RABGAP1L: variants seen among roughly 807,000 people sequenced by gnomAD.
The protein encoded by RABGAP1L is RAB GTPase activating protein 1 like, also known as rab GTPase-activating protein 1-like.
Under a neutral mutation model 137.7 loss-of-function variants are expected in RABGAP1L, and 63 were observed. That is an observed-to-expected ratio of 0.46 (90% CI 0.37 to 0.56). RABGAP1L has a LOEUF of 0.56. Among genes scored for constraint, RABGAP1L ranks in the 20% least tolerant of loss-of-function variants. The pLI, the probability that RABGAP1L is intolerant of heterozygous loss-of-function variation, is 0.00. For synonymous variants in RABGAP1L, 431 were observed against 433.7 expected (o/e 0.99, Z 0.08); for missense variants, 1,095 against 1,244.0 (o/e 0.88, Z 1.80).
intron 13 of RABGAP1L, 116 bp from the exon 14 acceptor site, chr1:174,637,259 T>G (rs535004355): frequency 4.6e-5 from 32 of 695,976 alleles, no homozygotes; most frequent in Admixed American, 8.3e-5. Flanking sequence ...AGGGAAGTTT[T>G]TATGTTTTTC....
intron 19 of RABGAP1L, chr1:174,945,498 C>G (rs1233386403): frequency 1.3e-5 from 2 of 151,982 alleles, no homozygotes; most frequent in Non-Finnish European, 2.9e-5. Flanking sequence ...CATAATTTAG[C>G]CCCACATTGA....
intron 14 of RABGAP1L, among the ~76,000 whole-genome samples, chr1:174,645,875 T>C (rs1157622427): frequency 6.6e-6 from 1 of 152,144 alleles, no homozygotes; most frequent in African/African-American, 2.4e-5. Context: ...ATCTGTTGTT[T>C]CCTGACTTTT....
At chr1:174,446,949 G>A (rs12039563) in intron 13 of RABGAP1L, among the ~76,000 whole-genome samples, 1 of 152,116 alleles carries the variant, frequency 6.6e-6, no homozygotes, top group Admixed American at 6.5e-5. Flanking sequence ...GAGTATATTG[G>A]AAAGTTTTAT....
intron 11 of RABGAP1L, among the ~76,000 whole-genome samples, chr1:174,309,529 C>T (rs191240879): frequency 4.9e-4 from 75 of 152,170 alleles, no homozygotes; most frequent in Non-Finnish European, 3.7e-4. Context: ...TATATCCCTT[C>T]TATACTTAAT....
intron 14 of RABGAP1L, among the ~76,000 whole-genome samples, chr1:174,675,422 G>A (rs1250465511): frequency 6.6e-6 from 1 of 151,632 alleles, no homozygotes; most frequent in African/African-American, 2.4e-5. Context: ...TATTTCTGAG[G>A]GCTCTGTTCT....
At chr1:174,877,712 G>A (rs1653375803) in intron 19 of RABGAP1L, 1 of 1,122,220 alleles carries the variant, frequency 8.9e-7, no homozygotes, top group Non-Finnish European at 1.3e-6. Context: ...TTTGTGTTAT[G>A]TCTACAGGTT....
chr1:174,643,169 G>A (rs1674678455), intron 14 of RABGAP1L, among the ~76,000 whole-genome samples: 1 of 152,036 alleles, frequency 6.6e-6, no homozygotes, highest in African/African-American at 2.4e-5. Context: ...CTTTGGAATC[G>A]GATGGATTCC....
chr1:174,344,149 C>T (rs1422908288), intron 11 of RABGAP1L, among the ~76,000 whole-genome samples: 4 of 152,024 alleles, frequency 2.6e-5, no homozygotes, highest in Admixed American at 6.6e-5. Context: ...AGCTGGAGAC[C>T]TTATAGTTTG....
chr1:174,287,129 A>G (rs1439628462), intron 10 of RABGAP1L, among the ~76,000 whole-genome samples: 1 of 152,156 alleles, frequency 6.6e-6, no homozygotes, highest in East Asian at 1.9e-4. Context: ...AGAGTGGCAT[A>G]ATAAAGTCCC....
chr1:174,210,446 A>G (rs1436258237), intron 1 of RABGAP1L, among the ~76,000 whole-genome samples: 2 of 152,248 alleles, frequency 1.3e-5, no homozygotes, highest in Non-Finnish European at 2.9e-5. Flanking sequence ...CTGTTGACAC[A>G]CTGAAGAATG....
intron 14 of RABGAP1L, among the ~76,000 whole-genome samples, chr1:174,639,040 A>G (rs1228834950): frequency 6.6e-6 from 1 of 151,816 alleles, no homozygotes; most frequent in African/African-American, 2.4e-5. Context: ...GTGTAATAAA[A>G]AAAAAAAAAA....
chr1:174,454,046 C>T (rs778041985), intron 13 of RABGAP1L, among the ~76,000 whole-genome samples: 1 of 152,066 alleles, frequency 6.6e-6, no homozygotes, highest in East Asian at 1.9e-4. Context: ...GGGCAGATCA[C>T]GAAGTCAGGA....
chr1:174,541,905 G>C (rs1665488330), intron 13 of RABGAP1L, among the ~76,000 whole-genome samples: 1 of 152,168 alleles, frequency 6.6e-6, no homozygotes, highest in African/African-American at 2.4e-5. Context: ...TTATTGATTT[G>C]CGTATGTTGA....
At chr1:174,523,801 C>T (rs1164223674) in intron 13 of RABGAP1L, among the ~76,000 whole-genome samples, 2 of 152,160 alleles carry the variant, frequency 1.3e-5, no homozygotes, top group African/African-American at 4.8e-5. Context: ...CCATCACGCT[C>T]TTCCCTGCCC....
At chr1:174,373,990 T>G (rs1421336365) in intron 12 of RABGAP1L, among the ~76,000 whole-genome samples, 1 of 152,150 alleles carries the variant, frequency 6.6e-6, no homozygotes, top group African/African-American at 2.4e-5. Flanking sequence ...TACCCAATGT[T>G]TTTAGATAGA....
At chr1:174,963,758 T>C (rs1216286588) in intron 20 of RABGAP1L, among the ~76,000 whole-genome samples, 1 of 152,034 alleles carries the variant, frequency 6.6e-6, no homozygotes, top group Admixed American at 6.6e-5. Flanking sequence ...TTATTTATAG[T>C]GTATGGCTGG....
intron 13 of RABGAP1L, among the ~76,000 whole-genome samples, chr1:174,394,627 G>C (rs1647591700): frequency 6.6e-6 from 1 of 152,054 alleles, no homozygotes; most frequent in African/African-American, 2.4e-5. Context: ...CTTTGCTTAT[G>C]TCTAAATACC....
intron 1 of RABGAP1L, among the ~76,000 whole-genome samples, chr1:174,199,085 G>T (rs1392863695): frequency 6.6e-6 from 1 of 152,084 alleles, no homozygotes; most frequent in Non-Finnish European, 1.5e-5. Context: ...TCCAGCCTGG[G>T]CAACAAGAGC....
intron 13 of RABGAP1L, among the ~76,000 whole-genome samples, chr1:174,437,998 C>T (rs536479438): frequency 6.6e-6 from 1 of 152,026 alleles, no homozygotes; most frequent in Non-Finnish European, 1.5e-5. Context: ...GAAATAAACT[C>T]CTTTACAGAC....
Sources: allele counts gnomAD v4.1 joint callset (sites outside exome capture counted in the v4.1 genomes callset), GRCh38; gene constraint gnomAD v4.1.1; transcripts MANE v1.5; gene names NCBI Gene and HGNC (gene_info 2026-07-23, HGNC 2026-07-21).